MED24: variants seen among roughly 807,000 people sequenced by gnomAD.
The protein encoded by MED24 is mediator of RNA polymerase II transcription subunit 24.
A neutral mutation model predicts 118.8 loss-of-function variants in MED24; 74 were observed. The ratio of observed to expected loss-of-function variants is 0.62; its 90% confidence interval spans 0.52 to 0.76. MED24 has a LOEUF of 0.76. MED24 is among the 30% of genes least tolerant of loss of function. MED24 has a pLI of 0.00. For synonymous variants in MED24, 521 were observed against 523.9 expected (o/e 0.99, Z 0.08); for missense variants, 1,041 against 1,278.9 (o/e 0.81, Z 2.84).
At chr17:40,021,822 G>A (rs1276961596) in intron 23 of MED24, 133 bp downstream of exon 23, 1 of 664,272 alleles carries the variant, frequency 1.5e-6, no homozygotes, top group Non-Finnish European at 2.6e-6. Flanking sequence ...TTGGGGGCTA[G>A]AACAGCAGGT....
At chr17:40,026,009 G>T in intron 19 of MED24, 147 bp downstream of exon 19, 1 of 786,884 alleles carries the variant, frequency 1.3e-6, no homozygotes, top group Non-Finnish European at 2.0e-6. Context: ...TGCTGAGTCA[G>T]ATGAGTGAAT....
intron 13 of MED24, among the ~76,000 whole-genome samples, chr17:40,029,290 C>G (rs1448666038): frequency 6.6e-6 from 1 of 152,170 alleles, no homozygotes; most frequent in Non-Finnish European, 1.5e-5. Context: ...CCTCTGCCCC[C>G]CAGGGTTCAG....
chr17:40,019,209 C>CACACAT lies in MED24; in HGVS notation c.*319_*320insATGTGT, dbSNP rs1237333532. 1.6e-3 allele frequency: 559 copies of CACACAT among 354,608 alleles called. 3 individuals carry two copies. The highest frequency in any genetic ancestry group is 2.6e-3 in the Admixed American group (58 of 22,552). 22.0% of individuals were successfully genotyped at this position (354,608 alleles called of 1,614,324 possible). A position where few individuals can be genotyped will look rare whatever the true frequency, so the allele number is the denominator to read the frequency against. ...ACACACACACACACACACACATACA[C>CACACAT]ACTTTGCATCTAGAAAGTTCCTCAG... On this transcript the variant is annotated 3_prime_UTR_variant, in exon 26 of 26. Transcript: ENST00000394128.
rs375822410 is a variant in MED24, at chr17:40,036,225, C to T, written c.214-71G>A. Reference sequence around the variant, plus strand: ...CAGTTGAGAGGAACAAACACTGATGCTTCAAGTTGCTGCAGCTCTCCTGAA... The same window carrying T: ...CAGTTGAGAGGAACAAACACTGATGTTTCAAGTTGCTGCAGCTCTCCTGAA... On this transcript the variant is annotated intron_variant, in intron 3 of 25. Transcript: ENST00000394128. The T allele has an allele frequency of 2.0e-5, 30 of 1,471,554 alleles. No individual in the cohort carries two copies. In the African/African-American group the frequency reaches 4.2e-4, roughly 20 times the overall value. 91.2% of individuals were successfully genotyped at this position (1,471,554 alleles called of 1,614,324 possible).
At chr17:40,045,208 G>A (rs1226545096) in intron 3 of MED24, among the ~76,000 whole-genome samples, 1 of 152,128 alleles carries the variant, frequency 6.6e-6, no homozygotes, top group Non-Finnish European at 1.5e-5. Context: ...CAGCACTTTG[G>A]GAGGCCGAGG....
chr17:40,032,920 G>A (rs1598349180), intron 8 of MED24, 136 bp downstream of exon 8: 1 of 1,372,150 alleles, frequency 7.3e-7, no homozygotes, highest in Non-Finnish European at 1.0e-6. Flanking sequence ...ACAGAAGTGT[G>A]CACGACTGGC....
At position 40,020,281 on chromosome 17, in the gene MED24, C is replaced by A; in HGVS notation, c.2696G>T (p.Arg899Leu). ...AGGGGTGGGGAACTCACCCAGGACTCGGTTCAGAGGGTCCCGCATGTTGAC... is the reference window on the plus strand; with the variant it reads ...AGGGGTGGGGAACTCACCCAGGACTAGGTTCAGAGGGTCCCGCATGTTGAC... ...HTVNMRDPLN[R>L]VLANLFLLIS... The change falls in exon 24 of 26, where the codon CGA (arginine) becomes CTA (leucine). Residue 899 changes from arginine to leucine, a missense_variant. This residue lies in a region of MED24 where 587 missense variants were observed against 694.4 expected (regional missense o/e 0.85). Transcript: ENST00000394128. The A allele has an allele frequency of 6.5e-7, 1 of 1,543,640 alleles. No individual in the cohort carries two copies. Among genetic ancestry groups the A allele is most frequent in the East Asian group, 2.3e-5 (1 of 43,664 alleles).
Position 40,020,337 on chromosome 17 carries a change from G to A in MED24, c.2640C>T (p.Ser880=). The part of the protein sequence containing the change: ...ILSSPTDRSM[S]SSLSASQLHT... The stretch of plus-strand genomic sequence containing the variant: ...GGAGCTGAGAGGCTGAGAGGGAGCT[G>A]CTCATGGATCGGTCTGCTGTGGGAC... Residue 880 remains serine, a synonymous_variant, in exon 24 of 26, where the codon AGC becomes AGT. Coordinates refer to ENST00000394128, the MANE Select transcript of MED24 (RefSeq NM_014815.4). The A allele has an allele frequency of 6.3e-7, 1 of 1,598,502 alleles. No individual in the cohort carries two copies. Among genetic ancestry groups the A allele is most frequent in the South Asian group, 1.1e-5 (1 of 88,046 alleles).
chr17:40,035,105 C>A lies in MED24; in HGVS notation c.559+12G>T. 1 of 1,613,666 alleles carries A rather than the reference C, an allele frequency of 6.2e-7. No individual in the cohort carries two copies. Among genetic ancestry groups the A allele is most frequent in the Non-Finnish European group, 8.5e-7 (1 of 1,179,626 alleles). On this transcript the variant is annotated intron_variant, in intron 6 of 25. Coordinates refer to ENST00000394128, the MANE Select transcript of MED24 (RefSeq NM_014815.4). ...AGCGGCAGGTGGGGCTCAGGGGAAT[C>A]AAGGGACATACAGGCCTCCTCTAGT...
At chr17:40,021,103 C>CAA (rs1981937843) in intron 23 of MED24, 1 of 142,548 alleles carries the variant, frequency 7.0e-6, no homozygotes, top group Admixed American at 7.2e-5. Context: ...AAACAAAAAA[C>CAA]AAAACAAAAA....
At chr17:40,027,621 G>A (rs1982843944) in intron 15 of MED24, 156 bp from the exon 16 acceptor site, 1 of 735,762 alleles carries the variant, frequency 1.4e-6, no homozygotes, top group Non-Finnish European at 2.2e-6. Context: ...GTCTCAACTG[G>A]AACATCATCC....
intron 3 of MED24, among the ~76,000 whole-genome samples, chr17:40,040,387 C>T (rs1984432396): frequency 6.6e-6 from 1 of 151,688 alleles, no homozygotes; most frequent in Non-Finnish European, 1.5e-5. Context: ...GCCTGACTTT[C>T]GTATTTTTTG....
At position 40,033,787 on chromosome 17, in the gene MED24, CGGCCACAAATCACTCGAGGA is replaced by C. The variant is rs975075428; in HGVS notation, c.560-351_560-332del. The stretch of plus-strand genomic sequence containing the variant: ...AATCCAGTGGCTGGAACAGGGAGGG[CGGCCACAAATCACTCGAGGA>C]GTGAGCGGATCCCAAAGTCCAGTCT... On this transcript the variant is annotated intron_variant, in intron 6 of 25. Coordinates refer to ENST00000394128, the MANE Select transcript of MED24 (RefSeq NM_014815.4). This position sits in a 1 kb window ranked among gnomAD's most constrained non-coding sequence, Gnocchi z 5.2. The C allele has an allele frequency of 5.5e-5, 28 of 505,342 alleles. No individual in the cohort carries two copies. The Admixed American group carries it at 5.7e-4, about 10-fold the overall frequency. 31.3% of individuals were successfully genotyped at this position (505,342 alleles called of 1,614,324 possible). A position where few individuals can be genotyped will look rare whatever the true frequency, so the allele number is the denominator to read the frequency against.
chr17:40,026,602 C>T (rs746346700), intron 18 of MED24, 45 bp downstream of exon 18: 3 of 1,532,338 alleles, frequency 2.0e-6, no homozygotes, highest in Admixed American at 3.8e-5. Context: ...CACTGGCTGG[C>T]TCTGTGTCTC....
At position 40,035,359 on chromosome 17, in the gene MED24, A is replaced by AATC. The variant is rs1555666516; in HGVS notation, c.327-11_327-10insGAT. On this transcript the variant is annotated splice_polypyrimidine_tract_variant and intron_variant, in intron 5 of 25. Transcript: ENST00000394128. ...TGCTTTGCCGTGACAGCTACAGGGA[A>AATC]GGATGCAAAATCAGACTCTGTTCTT... The AATC allele has an allele frequency of 1.3e-6, 2 of 1,568,034 alleles. No homozygotes were observed. The highest frequency in any genetic ancestry group is 2.7e-5 in the African/African-American group (2 of 73,658).
intron 3 of MED24, among the ~76,000 whole-genome samples, chr17:40,049,071 G>A (rs1985542989): frequency 6.6e-6 from 1 of 152,044 alleles, no homozygotes. Flanking sequence ...ACTGAGCACA[G>A]TGGCTCATAC....
At chr17:40,027,224 A>T in intron 16 of MED24, 159 bp downstream of exon 16, 1 of 1,080,328 alleles carries the variant, frequency 9.3e-7, no homozygotes, top group Non-Finnish European at 1.3e-6. Flanking sequence ...CATAGGGCTG[A>T]AGGTGCCTCT....
rs369140920 is a variant in MED24, at chr17:40,026,425, G to C, written c.1810-94C>G. On this transcript the variant is annotated intron_variant, in intron 18 of 25. Transcript: ENST00000394128. ...CCTCTGCGGGCAGCTAAGTGCAGCG[G>C]GTGGAGTCCCGGGCCACATTCCACA... 8.4e-4 allele frequency: 1,237 copies of C among 1,479,794 alleles called. 17 individuals carry two copies. In the South Asian group the frequency reaches 0.015, roughly 17 times the overall value. 91.7% of individuals were successfully genotyped at this position (1,479,794 alleles called of 1,614,324 possible).
chr17:40,035,441 A>G (rs1598352563), intron 5 of MED24, 92 bp from the exon 6 acceptor site: 1 of 1,292,666 alleles, frequency 7.7e-7, no homozygotes, highest in East Asian at 2.5e-5. Context: ...GCACTCCCCT[A>G]CTAGGGACTA....
Sources: allele counts gnomAD v4.1 joint callset (sites outside exome capture counted in the v4.1 genomes callset), GRCh38; gene constraint gnomAD v4.1.1; regional missense constraint gnomAD v4.1.1; non-coding constraint Gnocchi (gnomAD v3.1); transcripts MANE v1.5; gene names NCBI Gene and HGNC (gene_info 2026-07-23, HGNC 2026-07-21).